TEKT1: variants seen among roughly 807,000 people sequenced by gnomAD.
TEKT1 encodes tektin-1.
In TEKT1, 32 loss-of-function variants were observed where a neutral mutation model predicts 34.8. That is an observed-to-expected ratio of 0.92 (90% confidence interval 0.69 to 1.23). The LOEUF (loss-of-function observed/expected upper bound fraction) is 1.23. TEKT1 is among the 50% of genes most tolerant of loss of function. The pLI is 0.00. For synonymous variants in TEKT1, 207 were observed against 199.8 expected, an observed-to-expected ratio of 1.04 and a Z score of -0.30; for missense variants, 492 against 518.5, an observed-to-expected ratio of 0.95 and a Z score of 0.50.
chr17:6,814,576 C>T (rs987524459), intron 5 of TEKT1, among the ~76,000 whole-genome samples: 10 of 152,158 alleles, frequency 6.6e-5, no homozygotes, highest in Non-Finnish European at 8.8e-5. Context: ...CGGTGGCTCA[C>T]GCCTGTAATC....
intron 4 of TEKT1, 56 bp from the exon 5 acceptor site, chr17:6,815,362 C>A: frequency 6.2e-7 from 1 of 1,610,396 alleles, no homozygotes; most frequent in East Asian, 2.2e-5. Context: ...GTGGCACCCA[C>A]GTCCTCAGAG....
At position 6,830,185 on chromosome 17, in the gene TEKT1, A is replaced by G. The variant is rs951332310; in HGVS notation, c.190+2T>C. ...ACGAATATGCCAAGCATGTTGTCTT[A>G]CCTAGTTTCTTGTTCACATCGCTTT... On this transcript the variant is annotated splice_donor_variant, in intron 2 of 7. Transcript: ENST00000338694. LOFTEE classifies it high-confidence loss of function. 1 of 1,607,932 alleles carries G rather than the reference A, an allele frequency of 6.2e-7. No homozygotes were observed. The highest frequency in any genetic ancestry group is 1.3e-5 in the African/African-American group (1 of 74,396).
Position 6,807,472 on chromosome 17 carries a change from A to G in TEKT1, c.852+5359T>C, listed in dbSNP as rs970325419. ...TGAAGCCTTCTTCTCTCAACTTGTC[A>G]AAGTCATTCTCCATTAAGCTTTGTT... is the stretch of plus-strand genomic sequence containing the variant. On this transcript the variant is annotated intron_variant, in intron 6 of 7. Transcript: ENST00000338694. Among the ~76,000 whole-genome samples, 14 of 152,256 alleles carry G rather than the reference A, an allele frequency of 9.2e-5. 1 individual carries two copies. The Middle Eastern group carries it at 0.01, about 111-fold the overall frequency.
At chr17:6,804,737 G>A (rs1298972517) in intron 6 of TEKT1, among the ~76,000 whole-genome samples, 3 of 152,138 alleles carry the variant, frequency 2.0e-5, no homozygotes, top group Non-Finnish European at 4.4e-5. Context: ...TTTTGTCATT[G>A]GTTCTGTTTA....
At chr17:6,802,830 T>C (rs1449637260) in intron 6 of TEKT1, among the ~76,000 whole-genome samples, 1 of 152,238 alleles carries the variant, frequency 6.6e-6, no homozygotes, top group Non-Finnish European at 1.5e-5. Context: ...GGTGTATATG[T>C]GCCACATTTT....
intron 6 of TEKT1, among the ~76,000 whole-genome samples, chr17:6,810,370 ATTCT>A (rs754729864): frequency 3.7e-4 from 57 of 152,330 alleles, no homozygotes; most frequent in Non-Finnish European, 6.0e-4. Flanking sequence ...TTGGATAACA[ATTCT>A]TTATCAGATA....
rs1379057308 is a variant in TEKT1, at chr17:6,815,311, A to T, written c.486-5T>A. On this transcript the variant is annotated splice_region_variant and splice_polypyrimidine_tract_variant and intron_variant, in intron 4 of 7. Coordinates refer to ENST00000338694, the MANE Select transcript of TEKT1 (RefSeq NM_053285.2). ...TACTTGGCAGAGCGGTTCATCCTGA[A>T]GGGAGAAAGTAAACTGGGTTTCTGC... is the stretch of plus-strand genomic sequence containing the variant. The T allele has an allele frequency of 6.2e-7, 1 of 1,614,086 alleles. No homozygotes were observed. The highest frequency in any genetic ancestry group is 1.7e-5 in the Admixed American group (1 of 60,002).
intron 2 of TEKT1, among the ~76,000 whole-genome samples, chr17:6,824,057 C>T (rs1904332715): frequency 6.6e-6 from 1 of 151,992 alleles, no homozygotes; most frequent in Non-Finnish European, 1.5e-5. Context: ...CTCCTGATCT[C>T]GTGATCTGCC....
intron 1 of TEKT1, among the ~76,000 whole-genome samples, chr17:6,831,027 AG>A (rs1165278866): frequency 2.8e-5 from 1 of 35,214 alleles, no homozygotes; most frequent in Non-Finnish European, 4.9e-5. Flanking sequence ...AGGAAGAAGA[AG>A]GAGGAGGAGG....
At chr17:6,810,164 T>C (rs1976907810) in intron 6 of TEKT1, among the ~76,000 whole-genome samples, 1 of 152,232 alleles carries the variant, frequency 6.6e-6, no homozygotes, top group Non-Finnish European at 1.5e-5. Flanking sequence ...TGTCAGTGCT[T>C]TGGATTTTCT....
chr17:6,809,803 C>T (rs996269345), intron 6 of TEKT1, among the ~76,000 whole-genome samples: 1 of 152,190 alleles, frequency 6.6e-6, no homozygotes, highest in Admixed American at 6.6e-5. Context: ...TTTAAAGTTC[C>T]TCTATGTCTT....
intron 2 of TEKT1, among the ~76,000 whole-genome samples, chr17:6,827,475 G>C (rs1000768625): frequency 6.6e-6 from 1 of 151,836 alleles, no homozygotes; most frequent in African/African-American, 2.4e-5. Context: ...TGTTGGCCAG[G>C]CTGGTCTTGA....
chr17:6,816,579 G>T (rs962322123), intron 3 of TEKT1, among the ~76,000 whole-genome samples: 4 of 152,136 alleles, frequency 2.6e-5, no homozygotes, highest in Admixed American at 2.0e-4. Flanking sequence ...TTTTATGGCT[G>T]CATAGTATTC....
chr17:6,802,802 G>A (rs1294014371), intron 6 of TEKT1, among the ~76,000 whole-genome samples: 1 of 152,126 alleles, frequency 6.6e-6, no homozygotes, highest in East Asian at 1.9e-4. Flanking sequence ...TCCCTGCAAT[G>A]GCTGCATAGT....
chr17:6,823,725 C>G (rs1904321561), intron 2 of TEKT1, among the ~76,000 whole-genome samples: 1 of 151,792 alleles, frequency 6.6e-6, no homozygotes, highest in Admixed American at 6.6e-5. Flanking sequence ...AGTCACTAGT[C>G]CAAATTTATT....
intron 6 of TEKT1, 120 bp from the exon 7 acceptor site, chr17:6,801,063 C>T: frequency 1.1e-6 from 1 of 952,332 alleles, no homozygotes; most frequent in Admixed American, 2.7e-5. Context: ...TCTTCTTAAG[C>T]AGCATGCCAG....
In TEKT1 at chr17:6,830,183, T is replaced by C. The variant is rs751741464; in HGVS notation, c.190+4A>G. The C allele has an allele frequency of 2.5e-6, 4 of 1,607,504 alleles. No individual in the cohort carries two copies. In the South Asian group the frequency reaches 4.5e-5, roughly 18 times the overall value. On this transcript the variant is annotated splice_donor_region_variant and intron_variant, in intron 2 of 7. Coordinates refer to ENST00000338694, the MANE Select transcript of TEKT1 (RefSeq NM_053285.2). Reference sequence around the variant, plus strand: ...TCACGAATATGCCAAGCATGTTGTCTTACCTAGTTTCTTGTTCACATCGCT... The same window carrying C: ...TCACGAATATGCCAAGCATGTTGTCCTACCTAGTTTCTTGTTCACATCGCT...
At position 6,831,677 on chromosome 17, in the gene TEKT1, GCTCGGGATGGGAGC is replaced by G. The variant is rs1904578316; in HGVS notation, c.-60_-47del. ...AGCGCCACACAGAACCACTACGCAAGCTCGGGATGGGAGCCTCCTTACCCCAACTGGAGCTTCCA... is the reference window on the plus strand; with the variant it reads ...AGCGCCACACAGAACCACTACGCAAGCTCCTTACCCCAACTGGAGCTTCCA... On this transcript the variant is annotated 5_prime_UTR_variant, in exon 1 of 8. Transcript: ENST00000338694. 6.6e-6 allele frequency: 1 copy of G among 152,222 alleles called. No individual in the cohort carries two copies. The highest frequency in any genetic ancestry group is 2.1e-4 in the South Asian group (1 of 4,822). The allele number at this position is 152,222 out of a possible 1,614,324, so 9.4% of individuals were successfully genotyped here. A position where few individuals can be genotyped will look rare whatever the true frequency, so the allele number is the denominator to read the frequency against.
At chr17:6,810,487 C>G (rs149099877) in intron 6 of TEKT1, among the ~76,000 whole-genome samples, 56 of 152,156 alleles carry the variant, frequency 3.7e-4, no homozygotes, top group African/African-American at 1.3e-3. Flanking sequence ...AGCAGAATAT[C>G]GTCATGTGAA....
Sources: gnomAD v4.1 joint callset for allele counts (sites outside exome capture counted in the v4.1 genomes callset) on GRCh38, gnomAD v4.1.1 for gene constraint, MANE v1.5 for transcripts, NCBI Gene and HGNC (gene_info 2026-07-23, HGNC 2026-07-21) for gene names.